HIVEP1: variants seen among roughly 807,000 people sequenced by gnomAD.
HIVEP1 encodes the protein HIVEP zinc finger 1.
In HIVEP1, 36 loss-of-function variants were observed where a neutral mutation model predicts 180.0. The observed-to-expected ratio is 0.20, with a 90% CI of 0.15 to 0.26. The LOEUF is 0.26. Among genes scored for constraint, HIVEP1 ranks in the 10% least tolerant of loss-of-function variants. The pLI, the probability that HIVEP1 is intolerant of heterozygous loss-of-function variation, is 1.00. For missense variants in HIVEP1, 3,143 were observed against 3,268.7 expected (o/e 0.96, Z 0.94); for synonymous variants, 1,239 against 1,239.0 (o/e 1.00, Z 0.00).
At position 12,120,220 on chromosome 6, in the gene HIVEP1, A is replaced by G; in HGVS notation, c.425A>G (p.Glu142Gly). 6.2e-7 allele frequency: 1 copy of G among 1,614,102 alleles called. No homozygotes were observed. The change falls in exon 4 of 9, where the codon GAA (glutamate) becomes GGA (glycine). Residue 142 changes from glutamate (E) to glycine (G), a missense_variant. Glu to Gly is a moderately conservative substitution (Grantham distance 98). This residue lies in a region of HIVEP1 where 306 missense variants were observed against 310.6 expected (regional missense o/e 0.99). Coordinates refer to ENST00000379388, the MANE Select transcript of HIVEP1 (RefSeq NM_002114.4). ...KKPLFLQQPS[E>G]LRRWRSEGAD... Reference sequence around the variant, plus strand: ...CCCTTGTTTCTGCAGCAACCATCTGAACTGCGTAGATGGAGATCCGAAGGC... The same window carrying G: ...CCCTTGTTTCTGCAGCAACCATCTGGACTGCGTAGATGGAGATCCGAAGGC...
At chr6:12,149,076 TC>T (rs35313380) in intron 7 of HIVEP1, among the ~76,000 whole-genome samples, 1 of 152,170 alleles carries the variant, frequency 6.6e-6, no homozygotes, top group African/African-American at 2.4e-5. Context: ...TAGGTACACT[TC>T]CTGTTTCCTA....
chr6:12,017,151 C>T (rs1767829757), intron 2 of HIVEP1, among the ~76,000 whole-genome samples: 1 of 152,078 alleles, frequency 6.6e-6, no homozygotes, highest in African/African-American at 2.4e-5. Context: ...TCCTGAGAAA[C>T]ACAGATTTAC....
the HIVEP1 span, among the ~76,000 whole-genome samples, chr6:12,201,320 T>G: frequency 2.0e-5 from 3 of 152,078 alleles, no homozygotes; most frequent in South Asian, 6.2e-4. Flanking sequence ...CTATAAAAAA[T>G]GCAAAAATTA....
the HIVEP1 span, among the ~76,000 whole-genome samples, chr6:12,178,685 A>G: frequency 1.3e-5 from 2 of 152,144 alleles, no homozygotes; most frequent in Non-Finnish European, 2.9e-5. Flanking sequence ...TGGAAAAACA[A>G]TCTGGCAGTA....
intron 5 of HIVEP1, 102 bp downstream of exon 5, chr6:12,129,994 G>A: frequency 1.3e-6 from 1 of 740,746 alleles, no homozygotes; most frequent in South Asian, 1.8e-5. Context: ...TAGTATCGAT[G>A]TTGCAAGGTT....
At chr6:12,019,395 G>GT (rs1237371833) in intron 2 of HIVEP1, among the ~76,000 whole-genome samples, 6 of 152,192 alleles carry the variant, frequency 3.9e-5, no homozygotes, top group African/African-American at 1.2e-4. Flanking sequence ...ATTTTTGAGC[G>GT]TATCTTTAAT....
At chr6:12,023,803 A>G (rs1271061332) in intron 2 of HIVEP1, among the ~76,000 whole-genome samples, 1 of 152,232 alleles carries the variant, frequency 6.6e-6, no homozygotes, top group African/African-American at 2.4e-5. Flanking sequence ...ATTTTATTTT[A>G]GAACATTTTT....
At chr6:12,029,392 A>G (rs145818323) in intron 2 of HIVEP1, among the ~76,000 whole-genome samples, 12 of 152,250 alleles carry the variant, frequency 7.9e-5, no homozygotes, top group Admixed American at 2.0e-4. Flanking sequence ...CAGTCCGACA[A>G]TCTGCCTTTT....
At chr6:12,015,813 C>A in intron 2 of HIVEP1, 145 bp downstream of exon 2, 1 of 672,050 alleles carries the variant, frequency 1.5e-6, no homozygotes, top group Non-Finnish European at 2.6e-6. Flanking sequence ...AGCAGTCCTG[C>A]ACAATTCCTG....
rs184723950 is a variant in HIVEP1, at chr6:12,164,006, G to C, written c.7702G>C (p.Ala2568Pro). Residue 2568 changes from alanine to proline, a missense_variant, in exon 9 of 9, where the codon GCT becomes CCT. Physicochemically the swap from Ala to Pro is conservative, Grantham distance 27. Around this residue, in one of 12 missense-constraint regions of HIVEP1, gnomAD observed 595 missense variants for 602.2 expected, o/e 0.99. Coordinates refer to ENST00000379388, the MANE Select transcript of HIVEP1 (RefSeq NM_002114.4). The part of the protein sequence containing the change: ...VSQVAVDAQG[A>P]PEMPASQSKA... ...TCAAGTAGCCGTTGATGCACAGGGA[G>C]CTCCAGAAATGCCAGCTTCCCAAAG... The C allele has an allele frequency of 1.4e-5, 23 of 1,614,066 alleles. No homozygotes were observed. In the African/African-American group the frequency reaches 2.8e-4, roughly 20 times the overall value.
intron 2 of HIVEP1, among the ~76,000 whole-genome samples, chr6:12,079,570 T>A (rs951542205): frequency 4.5e-4 from 68 of 152,284 alleles, no homozygotes; most frequent in African/African-American, 1.6e-3. Context: ...CTGATAAGAC[T>A]TTTCTCCCTT....
rs72826034 is a variant in HIVEP1 at position 12,046,029 on chromosome 6, G to A, written c.40+30361G>A. Among the ~76,000 whole-genome samples, 447 of 152,298 alleles carry A rather than the reference G, an allele frequency of 2.9e-3. 1 individual carries two copies. The highest frequency in any genetic ancestry group is 3.8e-3 in the Non-Finnish European group (257 of 68,014). Reference sequence around the variant, plus strand: ...AAGTATCTTCTTTGAAATGTCAAGTGAAGAGATGAGATTCATGTAATTTAA... The same window carrying A: ...AAGTATCTTCTTTGAAATGTCAAGTAAAGAGATGAGATTCATGTAATTTAA... On this transcript the variant is annotated intron_variant, in intron 2 of 8. Transcript: ENST00000379388.
At chr6:12,142,016 G>T (rs1215601090) in intron 7 of HIVEP1, among the ~76,000 whole-genome samples, 1 of 152,090 alleles carries the variant, frequency 6.6e-6, no homozygotes, top group Non-Finnish European at 1.5e-5. Context: ...CTTGAACTCC[G>T]CTCTGCACCA....
At chr6:12,162,280 T>C (rs2113690579) in intron 8 of HIVEP1, among the ~76,000 whole-genome samples, 2 of 151,722 alleles carry the variant, frequency 1.3e-5, no homozygotes, top group East Asian at 3.9e-4. Flanking sequence ...ATTTATCTGC[T>C]GGCCCCTTCT....
intron 2 of HIVEP1, among the ~76,000 whole-genome samples, chr6:12,069,080 C>T (rs1046245972): frequency 2.6e-4 from 40 of 152,170 alleles, no homozygotes; most frequent in Non-Finnish European, 3.7e-4. Context: ...AGAAATGTGT[C>T]GTTAGGTGAT....
chr6:12,049,567 A>AT (rs1770367306), intron 2 of HIVEP1, among the ~76,000 whole-genome samples: 1 of 152,192 alleles, frequency 6.6e-6, no homozygotes. Flanking sequence ...AGATATTTAG[A>AT]TTTTGTCCAG....
chr6:12,120,811 C>T lies in HIVEP1; in HGVS notation c.1016C>T (p.Pro339Leu), dbSNP rs1757592125. Residue 339 changes from proline (P) to leucine (L), a missense_variant, in exon 4 of 9, where the codon CCT becomes CTT. Pro to Leu is a moderately conservative substitution (Grantham distance 98). Coordinates refer to ENST00000379388, the MANE Select transcript of HIVEP1 (RefSeq NM_002114.4). Reference sequence around the variant, plus strand: ...ACATCATCTGTAGGCCTAACTTCACCTTCCAGTAGATCTCAGGTTACTCCT... The same window carrying T: ...ACATCATCTGTAGGCCTAACTTCACTTTCCAGTAGATCTCAGGTTACTCCT... Reference protein sequence around the residue: ...AVTSSVGLTSPSSRSQVTPQN... With the variant: ...AVTSSVGLTSLSSRSQVTPQN... 1 of 1,614,134 alleles carries T rather than the reference C, an allele frequency of 6.2e-7. No homozygotes were observed. The highest frequency in any genetic ancestry group is 8.5e-7 in the Non-Finnish European group (1 of 1,180,004).
rs1171679302 is a variant in HIVEP1 at position 12,163,687 on chromosome 6, C to T, written c.7383C>T (p.Ser2461=). The T allele has an allele frequency of 5.0e-6, 8 of 1,614,152 alleles. No homozygotes were observed. Among genetic ancestry groups the T allele is most frequent in the Non-Finnish European group, 5.9e-6 (7 of 1,180,040 alleles). Residue 2461 remains serine, a synonymous_variant, in exon 9 of 9, where the codon AGC becomes AGT. Transcript: ENST00000379388. Reference sequence around the variant, plus strand: ...ACCCTGCTGGAGTGGCTGAATTAAGCAGTGTTGTGCCATGTATTCCTATCG... The same window carrying T: ...ACCCTGCTGGAGTGGCTGAATTAAGTAGTGTTGTGCCATGTATTCCTATCG... ...TTNPAGVAEL[S]SVVPCIPIGQ...
chr6:12,181,706 C>T, the HIVEP1 span, among the ~76,000 whole-genome samples: 4 of 152,096 alleles, frequency 2.6e-5, no homozygotes, highest in Non-Finnish European at 5.9e-5. Flanking sequence ...ACATTGACGC[C>T]CTCGCTACAG....
Sources: allele counts gnomAD v4.1 joint callset (sites outside exome capture counted in the v4.1 genomes callset), GRCh38; gene constraint gnomAD v4.1.1; regional missense constraint gnomAD v4.1.1; transcripts MANE v1.5; gene names NCBI Gene and HGNC (gene_info 2026-07-23, HGNC 2026-07-21).